Variants in DZIP1 observed in about 807,000 individuals in gnomAD.
The protein encoded by DZIP1 is DAZ interacting zinc finger protein 1.
In DZIP1, 97 loss-of-function variants were observed where a neutral mutation model predicts 107.6. The ratio of observed to expected loss-of-function variants is 0.90; its 90% CI spans 0.77 to 1.07. DZIP1 has a LOEUF of 1.07. Among genes scored for constraint, DZIP1 ranks in the 50% least tolerant of loss-of-function variants. The pLI is 0.00. For synonymous variants in DZIP1, 390 were observed against 386.4 expected, an observed-to-expected ratio of 1.01 and a Z score of -0.11; for missense variants, 1,035 against 1,063.6, an observed-to-expected ratio of 0.97 and a Z score of 0.37.
intron 6 of DZIP1, among the ~76,000 whole-genome samples, chr13:95,631,054 A>G (rs909258790): frequency 8.5e-5 from 13 of 152,158 alleles, no homozygotes; most frequent in Admixed American, 5.2e-4. Context: ...TAAGTAATCT[A>G]TTTAACTGAA....
In DZIP1 at chr13:95,585,100, G is replaced by A. The variant is rs891196432; in HGVS notation, c.2350-190C>T. Among the ~76,000 whole-genome samples the A allele has an allele frequency of 5.3e-5, 8 of 152,274 alleles. No homozygotes were observed. The South Asian group carries it at 1.7e-3, about 32-fold the overall frequency. ...TTTGGAAGTTGGTATTTTGAAATCT[G>A]AATCATCTCTTTTTCGTTTCTGCCA... On this transcript the variant is annotated intron_variant, in intron 21 of 22. Coordinates refer to ENST00000376829, the MANE Select transcript of DZIP1 (RefSeq NM_198968.4).
chr13:95,644,508 G>A lies in DZIP1; in HGVS notation c.-657C>T, dbSNP rs986976742. Reference sequence around the variant, plus strand: ...GCCGAGGAGCAGCAAAGCGGAGAGAGGCAGGCCGGCTCCTTCTTGCAGGGC... The same window carrying A: ...GCCGAGGAGCAGCAAAGCGGAGAGAAGCAGGCCGGCTCCTTCTTGCAGGGC... On this transcript the variant is annotated 5_prime_UTR_variant, in exon 1 of 23. Transcript: ENST00000376829. 1.3e-5 allele frequency: 2 copies of A among 153,006 alleles called. No homozygotes were observed. Among genetic ancestry groups the A allele is most frequent in the African/African-American group, 4.8e-5 (2 of 41,476 alleles). 9.5% of individuals were successfully genotyped at this position (153,006 alleles called of 1,614,324 possible). A position where few individuals can be genotyped will look rare whatever the true frequency, so the allele number is the denominator to read the frequency against.
intron 15 of DZIP1, among the ~76,000 whole-genome samples, chr13:95,595,615 T>G (rs894446575): frequency 6.6e-6 from 1 of 152,128 alleles, no homozygotes; most frequent in Non-Finnish European, 1.5e-5. Context: ...GTCACTGGCT[T>G]TGGCTTCTAG....
At chr13:95,599,616 T>C (rs1040421392) in intron 14 of DZIP1, among the ~76,000 whole-genome samples, 192 bp from the exon 15 acceptor site, 47 of 152,366 alleles carry the variant, frequency 3.1e-4, no homozygotes, top group African/African-American at 1.0e-3. Context: ...CTTCGATTTC[T>C]ATGTACTTTC....
intron 16 of DZIP1, among the ~76,000 whole-genome samples, chr13:95,592,251 T>A (rs1030161075): frequency 6.6e-6 from 1 of 151,906 alleles, no homozygotes; most frequent in Non-Finnish European, 1.5e-5. Flanking sequence ...GGAAAACCTC[T>A]CCAAGCATTA....
intron 9 of DZIP1, among the ~76,000 whole-genome samples, chr13:95,621,025 A>C (rs1594712301): frequency 6.6e-6 from 1 of 152,222 alleles, no homozygotes; most frequent in African/African-American, 2.4e-5. Context: ...GGAGGCGAGT[A>C]GACACAGCCA....
chr13:95,623,369 A>G (rs1224071194), intron 8 of DZIP1, among the ~76,000 whole-genome samples: 1 of 152,170 alleles, frequency 6.6e-6, no homozygotes, highest in South Asian at 2.1e-4. Context: ...GGAAAGGAGG[A>G]AAAAAGAGAA....
At position 95,594,092 on chromosome 13, in the gene DZIP1, A is replaced by G; in HGVS notation, c.1538-6T>C. ...TTTCTGTTCATTTTCCCTTCCTGAAATAAGGTTTTAAAAATGTGTTAAAAA... is the reference window on the plus strand; with the variant it reads ...TTTCTGTTCATTTTCCCTTCCTGAAGTAAGGTTTTAAAAATGTGTTAAAAA... On this transcript the variant is annotated splice_region_variant and splice_polypyrimidine_tract_variant and intron_variant, in intron 15 of 22. Coordinates refer to ENST00000376829, the MANE Select transcript of DZIP1 (RefSeq NM_198968.4). 1 of 1,592,662 alleles carries G rather than the reference A, an allele frequency of 6.3e-7. No homozygotes were observed. Among genetic ancestry groups the G allele is most frequent in the Non-Finnish European group, 8.5e-7 (1 of 1,171,152 alleles).
rs529410751 is a variant in DZIP1, at chr13:95,587,877, C to T, written c.2028-148G>A. ...GCCTTTGGGGCTATGGCCAAGATGG[C>T]GGCGAGGCCAGAGGTTATACCCACG... is the stretch of plus-strand genomic sequence containing the variant. On this transcript the variant is annotated intron_variant, in intron 19 of 22. Coordinates refer to ENST00000376829, the MANE Select transcript of DZIP1 (RefSeq NM_198968.4). The T allele has an allele frequency of 1.4e-4, 138 of 967,980 alleles. 1 individual carries two copies. Among genetic ancestry groups the T allele is most frequent in the South Asian group, 1.8e-4 (10 of 55,692 alleles). The allele number at this position is 967,980 out of a possible 1,614,324, so 60.0% of individuals were successfully genotyped here.
At chr13:95,628,249 C>T (rs560258031) in intron 7 of DZIP1, among the ~76,000 whole-genome samples, 3 of 152,214 alleles carry the variant, frequency 2.0e-5, no homozygotes, top group South Asian at 2.1e-4. Flanking sequence ...CACCATGTTG[C>T]GCAGACTGGT....
intron 7 of DZIP1, 96 bp from the exon 8 acceptor site, chr13:95,625,025 A>T (rs1389606389): frequency 9.2e-7 from 1 of 1,088,558 alleles, no homozygotes; most frequent in Non-Finnish European, 1.3e-6. Context: ...CAAAAATGTT[A>T]GCTAGTATTG....
rs2044201844 is a variant in DZIP1, at chr13:95,587,729, C to A, written c.2028G>T (p.Thr676=). 1.9e-6 allele frequency: 3 copies of A among 1,612,732 alleles called. No individual in the cohort carries two copies. The highest frequency in any genetic ancestry group is 4.5e-5 in the East Asian group (2 of 44,838). The part of the protein sequence containing the change: ...DPFPRKSSTI[T]TPPFSSEEEQ... ...CCTCCTCTGAACTAAAAGGAGGGGT[C>A]CTACACAAATCAACACCGAGATAGG... The change falls in exon 20 of 23, where the codon ACG becomes ACT. Residue 676 remains threonine, a splice_region_variant and synonymous_variant. Coordinates refer to ENST00000376829, the MANE Select transcript of DZIP1 (RefSeq NM_198968.4).
rs898414803 is a variant in DZIP1 at position 95,644,691 on chromosome 13, G to A, written c.-840C>T. The A allele has an allele frequency of 1.4e-5, 2 of 145,392 alleles. No individual in the cohort carries two copies. Among genetic ancestry groups the A allele is most frequent in the African/African-American group, 5.1e-5 (2 of 39,326 alleles). The allele number at this position is 145,392 out of a possible 1,614,324, so 9.0% of individuals were successfully genotyped here. A position where few individuals can be genotyped will look rare whatever the true frequency, so the allele number is the denominator to read the frequency against. The stretch of plus-strand genomic sequence containing the variant: ...GATCTCCCTCCGGCCTCTTCCCTCG[G>A]TGTCCCGGCTCCTCTGGCAACTGGG... On this transcript the variant is annotated 5_prime_UTR_variant, in exon 1 of 23. Coordinates refer to ENST00000376829, the MANE Select transcript of DZIP1 (RefSeq NM_198968.4).
At chr13:95,606,093 T>C in intron 13 of DZIP1, 34 bp from the exon 14 acceptor site, 1 of 1,610,170 alleles carries the variant, frequency 6.2e-7, no homozygotes, top group Non-Finnish European at 8.5e-7. Flanking sequence ...ACTCAGAGGT[T>C]CCATAATTAA....
At chr13:95,585,156 A>G (rs1410893637) in intron 21 of DZIP1, among the ~76,000 whole-genome samples, 1 of 152,230 alleles carries the variant, frequency 6.6e-6, no homozygotes, top group Admixed American at 6.5e-5. Flanking sequence ...TCTACCAATC[A>G]TGAATGTAGA....
At chr13:95,619,142 T>G (rs1406358726) in intron 10 of DZIP1, among the ~76,000 whole-genome samples, 1 of 152,200 alleles carries the variant, frequency 6.6e-6, no homozygotes, top group Non-Finnish European at 1.5e-5. Context: ...TTATGATACA[T>G]CCAATAAGAT....
rs1361128172 is a variant in DZIP1, at chr13:95,579,842, C to T, written c.*2392G>A. Reference sequence around the variant, plus strand: ...TTAGGTCCTACAGGCCAGTGTGGGACAGGGTTGTGTAGGTGTGCATTTCAA... The same window carrying T: ...TTAGGTCCTACAGGCCAGTGTGGGATAGGGTTGTGTAGGTGTGCATTTCAA... On this transcript the variant is annotated 3_prime_UTR_variant, in exon 23 of 23. Transcript: ENST00000376829. 4 of 152,120 alleles carry T rather than the reference C, an allele frequency of 2.6e-5. No homozygotes were observed. The highest frequency in any genetic ancestry group is 5.9e-5 in the Non-Finnish European group (4 of 68,020). The allele number at this position is 152,120 out of a possible 1,614,324, so 9.4% of individuals were successfully genotyped here.
chr13:95,586,950 G>A (rs1413411955), intron 20 of DZIP1, among the ~76,000 whole-genome samples: 1 of 152,168 alleles, frequency 6.6e-6, no homozygotes, highest in Non-Finnish European at 1.5e-5. Context: ...GTCACCCAGT[G>A]TCCTGGGTTG....
chr13:95,581,964 GA>G lies in DZIP1; in HGVS notation c.*269del. The G allele has an allele frequency of 6.2e-6, 2 of 321,548 alleles. No homozygotes were observed. Among genetic ancestry groups the G allele is most frequent in the Non-Finnish European group, 1.1e-5 (2 of 177,406 alleles). 19.9% of individuals were successfully genotyped at this position (321,548 alleles called of 1,614,324 possible). On this transcript the variant is annotated 3_prime_UTR_variant, in exon 23 of 23. Transcript: ENST00000376829. ...CTTAACACTAGAGTACCTTTCTGAA[GA>G]AAAAACTTTTTATGACTTCAATGAC...
Sources: gnomAD v4.1 joint callset for allele counts (sites outside exome capture counted in the v4.1 genomes callset) on GRCh38, gnomAD v4.1.1 for gene constraint, MANE v1.5 for transcripts, NCBI Gene and HGNC (gene_info 2026-07-23, HGNC 2026-07-21) for gene names.